Variants in NR2C1 observed in about 807,000 individuals in gnomAD.
NR2C1 encodes nuclear receptor subfamily 2 group C member 1.
NR2C1 carries 33 observed loss-of-function variants against 74.8 expected under a neutral mutation model. The ratio of observed to expected loss-of-function variants is 0.44; its 90% confidence interval spans 0.33 to 0.59. The LOEUF (loss-of-function observed/expected upper bound fraction) is 0.59, where lower values mean the gene tolerates loss of function less well. Ranked by LOEUF, NR2C1 falls within the 20% of genes least tolerant of loss-of-function variation. The probability of loss-of-function intolerance (pLI) is 0.02; values close to 1 mark genes in which losing one functional copy is unlikely to be tolerated. For missense variants in NR2C1, 568 were observed against 715.6 expected (o/e 0.79, Z 2.35); for synonymous variants, 225 against 240.6 (o/e 0.94, Z 0.60).
At chr12:95,057,095 CTGA>C (rs1874027316) in intron 7 of NR2C1, among the ~76,000 whole-genome samples, 1 of 141,280 alleles carries the variant, frequency 7.1e-6, no homozygotes, top group South Asian at 2.2e-4. Flanking sequence ...ATGAACATTT[CTGA>C]TTTTTTTTTT....
At chr12:95,040,335 GTCATTTGAATGACACAACTT>G (rs1385189438) in intron 10 of NR2C1, 121 bp downstream of exon 10, 1 of 711,110 alleles carries the variant, frequency 1.4e-6, no homozygotes, top group East Asian at 3.0e-5. Flanking sequence ...GCCATGATTT[GTCATTTGAATGACACAACTT>G]AAAGCTATAA....
chr12:95,030,005 CTA>C (rs1221607632), intron 11 of NR2C1, among the ~76,000 whole-genome samples: 2 of 152,162 alleles, frequency 1.3e-5, no homozygotes, highest in Non-Finnish European at 2.9e-5. Flanking sequence ...GTAGCTGGGA[CTA>C]TGACTATAGG....
At chr12:95,032,685 G>C (rs565855245) in intron 10 of NR2C1, among the ~76,000 whole-genome samples, 1 of 151,988 alleles carries the variant, frequency 6.6e-6, no homozygotes, top group East Asian at 1.9e-4. Flanking sequence ...GAATTAGCTG[G>C]GGCTGGGCGC....
chr12:95,031,171 A>G (rs908571048), intron 11 of NR2C1, among the ~76,000 whole-genome samples, 178 bp downstream of exon 11: 2 of 152,100 alleles, frequency 1.3e-5, no homozygotes, highest in Non-Finnish European at 2.9e-5. Flanking sequence ...TCTATTTAAA[A>G]AATATTTTTA....
chr12:95,058,653 T>C (rs1874262721), intron 4 of NR2C1, among the ~76,000 whole-genome samples, 164 bp from the exon 5 acceptor site: 3 of 152,264 alleles, frequency 2.0e-5, no homozygotes, highest in Non-Finnish European at 1.5e-5. Flanking sequence ...CATAACTTTT[T>C]TAGAGACGGG....
chr12:95,057,911 T>A, intron 5 of NR2C1, 33 bp from the exon 6 acceptor site: 4 of 1,573,818 alleles, frequency 2.5e-6, no homozygotes, highest in Non-Finnish European at 3.5e-6. Context: ...TATATCACAA[T>A]ATAGGATTTA....
At chr12:95,052,339 T>C (rs1487196974) in intron 7 of NR2C1, among the ~76,000 whole-genome samples, 1 of 151,822 alleles carries the variant, frequency 6.6e-6, no homozygotes, top group African/African-American at 2.4e-5. Context: ...GTATTTTAGC[T>C]GAGACAGGGT....
intron 11 of NR2C1, among the ~76,000 whole-genome samples, chr12:95,029,396 G>A (rs569540870): frequency 2.0e-3 from 310 of 152,126 alleles, no homozygotes; most frequent in African/African-American, 7.1e-3. Context: ...TTCTTTTGAT[G>A]TTGTAAAAGT....
At chr12:95,042,965 C>CA (rs1169329610) in intron 9 of NR2C1, among the ~76,000 whole-genome samples, 1 of 135,986 alleles carries the variant, frequency 7.4e-6, no homozygotes, top group Non-Finnish European at 1.6e-5. Flanking sequence ...ACACACAAAA[C>CA]AAAAAATTAA....
At position 95,062,413 on chromosome 12, in the gene NR2C1, A is replaced by C. The variant is rs980452522; in HGVS notation, c.285+95T>G. The C allele has an allele frequency of 7.6e-5, 60 of 790,164 alleles. No individual in the cohort carries two copies. In the African/African-American group the frequency reaches 1.0e-3, roughly 13 times the overall value. 48.9% of individuals were successfully genotyped at this position (790,164 alleles called of 1,614,324 possible). A position where few individuals can be genotyped will look rare whatever the true frequency, so the allele number is the denominator to read the frequency against. On this transcript the variant is annotated intron_variant, in intron 3 of 13. Coordinates refer to ENST00000333003, the MANE Select transcript of NR2C1 (RefSeq NM_003297.4). ...AATTTTATGCATTTTTTTCCTACTG[A>C]ATATACATAGATCTAAAGTCTTCAT...
chr12:95,043,546 G>A (rs372613702), intron 9 of NR2C1, among the ~76,000 whole-genome samples: 2 of 151,484 alleles, frequency 1.3e-5, no homozygotes, highest in African/African-American at 2.4e-5. Context: ...AAAATTAGCC[G>A]GGCATGGCGG....
chr12:95,049,830 G>A (rs371615041), intron 8 of NR2C1, among the ~76,000 whole-genome samples: 2 of 152,110 alleles, frequency 1.3e-5, no homozygotes, highest in African/African-American at 4.8e-5. Context: ...CATTCTCCCT[G>A]TGTCAGCAAG....
In NR2C1 at chr12:95,070,634, T is replaced by C. The variant is rs1486878096; in HGVS notation, c.-8+2746A>G. 3.3e-5 allele frequency among the ~76,000 whole-genome samples: 5 copies of C among 152,342 alleles called. No homozygotes were observed. The East Asian group carries it at 9.6e-4, about 29-fold the overall frequency. On this transcript the variant is annotated intron_variant, in intron 1 of 13. Transcript: ENST00000333003. Reference sequence around the variant, plus strand: ...GCATTCACAGAACGACTTATCCTTATTCTCCAGCTTCAGACCATCAGTGCT... The same window carrying C: ...GCATTCACAGAACGACTTATCCTTACTCTCCAGCTTCAGACCATCAGTGCT...
chr12:95,032,122 C>T (rs1421175968), intron 10 of NR2C1, among the ~76,000 whole-genome samples: 1 of 152,234 alleles, frequency 6.6e-6, no homozygotes, highest in Non-Finnish European at 1.5e-5. Flanking sequence ...CCTGCCTTGG[C>T]CTCCCAAAGT....
intron 10 of NR2C1, among the ~76,000 whole-genome samples, chr12:95,033,330 AG>A (rs1406939369): frequency 2.0e-5 from 3 of 152,194 alleles, no homozygotes; most frequent in Non-Finnish European, 4.4e-5. Flanking sequence ...ATTAGTATAA[AG>A]GATGTATATT....
At chr12:95,057,093 T>C (rs1339736785) in intron 7 of NR2C1, among the ~76,000 whole-genome samples, 1 of 150,894 alleles carries the variant, frequency 6.6e-6, no homozygotes, top group Non-Finnish European at 1.5e-5. Flanking sequence ...TTATGAACAT[T>C]TCTGATTTTT....
intron 9 of NR2C1, among the ~76,000 whole-genome samples, chr12:95,045,924 C>T (rs190648345): frequency 2.6e-5 from 4 of 152,146 alleles, no homozygotes; most frequent in Admixed American, 1.3e-4. Context: ...CGGCAACCTC[C>T]GCCTCCCCGG....
Position 95,022,202 on chromosome 12 carries a change from A to T in NR2C1, c.*27T>A, listed in dbSNP as rs768134455. On this transcript the variant is annotated 3_prime_UTR_variant, in exon 14 of 14. Transcript: ENST00000333003. ...TCTTGTGTTCTGGCAAAGAACAGTT[A>T]AGTTTACAGCACTGCAGTCACAGTT... 12 of 1,557,056 alleles carry T rather than the reference A, an allele frequency of 7.7e-6. No individual in the cohort carries two copies. Among genetic ancestry groups the T allele is most frequent in the Non-Finnish European group, 9.5e-6 (11 of 1,156,044 alleles).
intron 12 of NR2C1, among the ~76,000 whole-genome samples, chr12:95,027,673 T>A (rs1445265931): frequency 1.3e-5 from 2 of 151,926 alleles, no homozygotes; most frequent in Non-Finnish European, 2.9e-5. Flanking sequence ...GAGGCGGAGG[T>A]TGCAGTGAAC....
Sources: gnomAD v4.1 joint callset for allele counts (sites outside exome capture counted in the v4.1 genomes callset) on GRCh38, gnomAD v4.1.1 for gene constraint, MANE v1.5 for transcripts, NCBI Gene and HGNC (gene_info 2026-07-23, HGNC 2026-07-21) for gene names.